Variants in COG7 observed in about 807,000 individuals in gnomAD.
COG7 encodes component of oligomeric golgi complex 7.
COG7 carries 49 observed loss-of-function variants against 91.5 expected under a neutral mutation model. The observed-to-expected ratio is 0.54, with a 90% confidence interval of 0.43 to 0.68. The LOEUF (loss-of-function observed/expected upper bound fraction) is 0.68, where lower values mean the gene tolerates loss of function less well. Among genes scored for constraint, COG7 ranks in the 30% least tolerant of loss-of-function variants. The pLI, the probability that COG7 is intolerant of heterozygous loss-of-function variation, is 0.00. For synonymous variants in COG7, 365 were observed against 388.7 expected, an observed-to-expected ratio of 0.94 and a Z score of 0.72; for missense variants, 895 against 961.3, an observed-to-expected ratio of 0.93 and a Z score of 0.91.
At chr16:23,398,839 T>C (rs1157254029) in intron 13 of COG7, among the ~76,000 whole-genome samples, 3 of 152,316 alleles carry the variant, frequency 2.0e-5, no homozygotes, top group Non-Finnish European at 4.4e-5. Flanking sequence ...CACTAACACG[T>C]GTTTCTTGCC....
chr16:23,416,834 TAAC>T, intron 9 of COG7, 130 bp downstream of exon 9: 1 of 1,021,956 alleles, frequency 9.8e-7, no homozygotes, highest in Non-Finnish European at 1.5e-6. Flanking sequence ...TGAATATCCT[TAAC>T]AACATCCTCT....
At chr16:23,430,547 G>GA (rs1555495573) in intron 6 of COG7, among the ~76,000 whole-genome samples, 1 of 145,162 alleles carries the variant, frequency 6.9e-6, no homozygotes, top group Non-Finnish European at 1.5e-5. Context: ...AACTTACTCT[G>GA]TTTTTTTTTT....
At position 23,416,644 on chromosome 16, in the gene COG7, T is replaced by A. The variant is rs1449526626; in HGVS notation, c.1292+323A>T. 7 of 370,236 alleles carry A rather than the reference T, an allele frequency of 1.9e-5. No individual in the cohort carries two copies. The East Asian group carries it at 3.3e-4, about 17-fold the overall frequency. The allele number at this position is 370,236 out of a possible 1,614,324, so 22.9% of individuals were successfully genotyped here. On this transcript the variant is annotated intron_variant, in intron 9 of 16. Coordinates refer to ENST00000307149, the MANE Select transcript of COG7 (RefSeq NM_153603.4). ...CACCGCACCAGGCCAAAGGTCCTTT[T>A]TCTTGTTCAAATAAACTTTGTTAAA...
chr16:23,402,062 A>C (rs1963386945), intron 13 of COG7, among the ~76,000 whole-genome samples: 1 of 152,216 alleles, frequency 6.6e-6, no homozygotes. Flanking sequence ...GTCTCAAAAA[A>C]AGAGAAAAGA....
Position 23,446,027 on chromosome 16 carries a change from C to T in COG7, c.170-66G>A. On this transcript the variant is annotated intron_variant, in intron 1 of 16. Transcript: ENST00000307149. ...TAGCCACAAAAGGTGAAAGTTGGAC[C>T]AGCCACCAGTAAAATACAGGAAACA... is the stretch of plus-strand genomic sequence containing the variant. 5 of 1,553,122 alleles carry T rather than the reference C, an allele frequency of 3.2e-6. No homozygotes were observed. The South Asian group carries it at 4.6e-5, about 14-fold the overall frequency.
intron 13 of COG7, among the ~76,000 whole-genome samples, chr16:23,402,962 T>G (rs1249101568): frequency 6.6e-6 from 1 of 152,226 alleles, no homozygotes; most frequent in African/African-American, 2.4e-5. Context: ...CTTGTCATTT[T>G]GTAAAAAGAT....
At chr16:23,417,437 C>T (rs559668699) in intron 8 of COG7, 101 of 399,266 alleles carry the variant, frequency 2.5e-4, no homozygotes, top group African/African-American at 1.8e-3. Flanking sequence ...TCTCGAGCTA[C>T]GATTCAAATT....
intron 7 of COG7, among the ~76,000 whole-genome samples, chr16:23,422,120 A>G (rs1567338902): frequency 6.6e-6 from 1 of 152,018 alleles, no homozygotes; most frequent in Non-Finnish European, 1.5e-5. Context: ...GATCAGCCTG[A>G]GCAAAATAGG....
At chr16:23,407,943 G>T in intron 11 of COG7, among the ~76,000 whole-genome samples, 1 of 150,874 alleles carries the variant, frequency 6.6e-6, no homozygotes, top group Non-Finnish European at 1.5e-5. Flanking sequence ...GCACAGCAAT[G>T]AGCATACTGG....
chr16:23,406,504 T>C (rs1963464324), intron 11 of COG7, among the ~76,000 whole-genome samples: 2 of 152,090 alleles, frequency 1.3e-5, no homozygotes, highest in Admixed American at 6.5e-5. Context: ...TGCCAGAACA[T>C]GCTATCTCCC....
At position 23,445,953 on chromosome 16, in the gene COG7, G is replaced by T; in HGVS notation, c.178C>A (p.His60Asn). The change falls in exon 2 of 17, where the codon CAC (histidine) becomes AAC (asparagine). Residue 60 changes from histidine (H) to asparagine (N), a missense_variant. Coordinates refer to ENST00000307149, the MANE Select transcript of COG7 (RefSeq NM_153603.4). ...EVNHAVEETSHQALQNMPKVL... is the reference protein window; with the variant it reads ...EVNHAVEETSNQALQNMPKVL... ...TTGGGCATGTTCTGGAGAGCTTGGT[G>T]ACTTGTTTCTGTAGTTAAAAAAAAA... 1 of 1,588,716 alleles carries T rather than the reference G, an allele frequency of 6.3e-7. No individual in the cohort carries two copies. The highest frequency in any genetic ancestry group is 1.1e-5 in the South Asian group (1 of 90,456).
At position 23,389,046 on chromosome 16, in the gene COG7, C is replaced by T. The variant is rs759094324; in HGVS notation, c.2187G>A (p.Pro729=). The change falls in exon 17 of 17, where the codon CCG becomes CCA. Residue 729 remains proline, a synonymous_variant. Transcript: ENST00000307149. ...TCACGATGTGCTGGAGGGTGCGGGACGGCTGCAGGCCCAGGGCATCCATCA... is the reference window on the plus strand; with the variant it reads ...TCACGATGTGCTGGAGGGTGCGGGATGGCTGCAGGCCCAGGGCATCCATCA... ...INVMDALGLQ[P]SRTLQHIVTL... 2.9e-5 allele frequency: 47 copies of T among 1,613,884 alleles called. No homozygotes were observed. Among genetic ancestry groups the T allele is most frequent in the Non-Finnish European group, 3.4e-5 (40 of 1,180,026 alleles).
chr16:23,400,522 A>T (rs1342137996), intron 13 of COG7, among the ~76,000 whole-genome samples: 1 of 152,212 alleles, frequency 6.6e-6, no homozygotes, highest in Non-Finnish European at 1.5e-5. Flanking sequence ...CAGGGACTGC[A>T]GCCTGGAGGC....
intron 7 of COG7, among the ~76,000 whole-genome samples, chr16:23,421,948 G>A (rs1450446546): frequency 6.6e-6 from 1 of 151,728 alleles, no homozygotes; most frequent in South Asian, 2.1e-4. Flanking sequence ...AGGAATAATC[G>A]GAGCTAGGCT....
At chr16:23,410,129 C>T (rs1042394960) in intron 11 of COG7, among the ~76,000 whole-genome samples, 166 bp downstream of exon 11, 6 of 152,138 alleles carry the variant, frequency 3.9e-5, no homozygotes, top group South Asian at 2.1e-4. Flanking sequence ...GCTCAATAAA[C>T]GTTTAATGAT....
rs763479359 is a variant in COG7 at position 23,434,671 on chromosome 16, G to C, written c.652C>G (p.Pro218Ala). The change falls in exon 5 of 17, where the codon CCC becomes GCC. Residue 218 changes from proline to alanine, a missense_variant. Pro to Ala is a conservative substitution (Grantham distance 27). Coordinates refer to ENST00000307149, the MANE Select transcript of COG7 (RefSeq NM_153603.4). ...VKVFTEIDRM[P>A]QLLAYYYKCH... ...TTGTAGTAGTAGGCCAGGAGCTGGGGCATCCGGTCAATTTCAGTAAACACC... is the reference window on the plus strand; with the variant it reads ...TTGTAGTAGTAGGCCAGGAGCTGGGCCATCCGGTCAATTTCAGTAAACACC... The C allele has an allele frequency of 5.0e-6, 8 of 1,613,766 alleles. No homozygotes were observed. The South Asian group carries it at 7.7e-5, about 16-fold the overall frequency.
intron 11 of COG7, among the ~76,000 whole-genome samples, chr16:23,407,163 T>C (rs577616701): frequency 6.6e-6 from 1 of 152,354 alleles, no homozygotes; most frequent in African/African-American, 2.4e-5. Context: ...GAAATGCCTG[T>C]ACTTGCAAAT....
At chr16:23,421,850 CAAAAAA>C (rs369425955) in intron 7 of COG7, among the ~76,000 whole-genome samples, 326 of 47,666 alleles carry the variant, frequency 6.8e-3, no homozygotes, top group Non-Finnish European at 0.011. Context: ...GACTCCATCT[CAAAAAA>C]AAAAAAAAAA....
intron 5 of COG7, among the ~76,000 whole-genome samples, chr16:23,433,904 T>A (rs1963973204): frequency 6.6e-6 from 1 of 152,118 alleles, no homozygotes; most frequent in Admixed American, 6.6e-5. Context: ...TCTCCATTTA[T>A]CCTGCCCTAA....
Sources: allele counts gnomAD v4.1 joint callset (sites outside exome capture counted in the v4.1 genomes callset), GRCh38; gene constraint gnomAD v4.1.1; transcripts MANE v1.5; gene names NCBI Gene and HGNC (gene_info 2026-07-23, HGNC 2026-07-21).